The following CFAP210 variants were observed in gnomAD, a reference collection of about 807,000 sequenced individuals.
CFAP210 encodes cilia and flagella associated protein 210.
the CFAP210 span, chr2:169,675,153 T>TTTTA: frequency 1.2e-6 from 1 of 805,826 alleles, no homozygotes. Flanking sequence ...ATTTGTAATA[T>TTTTA]TTTATTAATA....
the CFAP210 span, chr2:169,674,727 G>A: frequency 1.3e-6 from 2 of 1,599,442 alleles, no homozygotes; most frequent in Non-Finnish European, 1.7e-6. Flanking sequence ...AATTCAATCT[G>A]GGCATCACGT....
At chr2:169,652,925 G>A in the CFAP210 span, among the ~76,000 whole-genome samples, 4 of 141,226 alleles carry the variant, frequency 2.8e-5, no homozygotes, top group African/African-American at 1.1e-4. Context: ...GCGTGAACCC[G>A]GGAGGTGGAG....
chr2:169,674,684 C>T, the CFAP210 span: 3 of 1,610,594 alleles, frequency 1.9e-6, no homozygotes, highest in East Asian at 6.7e-5. Flanking sequence ...CTGTTCCTCC[C>T]ATTTTTTATC....
chr2:169,663,526 C>T, the CFAP210 span, among the ~76,000 whole-genome samples: 1 of 151,916 alleles, frequency 6.6e-6, no homozygotes, highest in Non-Finnish European at 1.5e-5. Context: ...TGCACCCAAT[C>T]GAGAAAACAT....
At chr2:169,667,810 T>C in the CFAP210 span, among the ~76,000 whole-genome samples, 9 of 152,132 alleles carry the variant, frequency 5.9e-5, no homozygotes, top group African/African-American at 1.7e-4. Context: ...ACACGTGTGA[T>C]GTCATCTTAG....
the CFAP210 span, among the ~76,000 whole-genome samples, chr2:169,657,184 T>C: frequency 1.3e-5 from 2 of 152,054 alleles, no homozygotes; most frequent in Non-Finnish European, 2.9e-5. Context: ...AAAAATCCAA[T>C]GTCTATCAGA....
At chr2:169,694,223 A>G in the CFAP210 span, 157 of 1,603,854 alleles carry the variant, frequency 9.8e-5, no homozygotes, top group Non-Finnish European at 1.2e-4. Context: ...GGGGGTCCAG[A>G]AACAATCCCT....
the CFAP210 span, chr2:169,649,332 CTCTT>C: frequency 1.9e-6 from 3 of 1,609,976 alleles, no homozygotes; most frequent in Non-Finnish European, 2.5e-6. Context: ...TTTCTTCTTC[CTCTT>C]TATTTTTCAT....
At chr2:169,658,694 C>T in the CFAP210 span, 1 of 286,146 alleles carries the variant, frequency 3.5e-6, no homozygotes, top group African/African-American at 2.2e-5. Flanking sequence ...CTTCTGTCTA[C>T]AACAGGTGCT....
At chr2:169,670,168 T>C in the CFAP210 span, among the ~76,000 whole-genome samples, 1 of 152,234 alleles carries the variant, frequency 6.6e-6, no homozygotes, top group Non-Finnish European at 1.5e-5. Context: ...CTTACCTATA[T>C]ATAGAAGAAA....
the CFAP210 span, among the ~76,000 whole-genome samples, chr2:169,652,823 G>A: frequency 6.1e-5 from 9 of 148,090 alleles, no homozygotes; most frequent in South Asian, 2.1e-4. Context: ...GTGAAACCCC[G>A]TCTCTACTAA....
chr2:169,645,973 A>G, the CFAP210 span: 1 of 1,613,942 alleles, frequency 6.2e-7, no homozygotes, highest in East Asian at 2.2e-5. Flanking sequence ...CTCTGTCCAC[A>G]AACACTGGTC....
At chr2:169,654,742 T>A in the CFAP210 span, among the ~76,000 whole-genome samples, 1 of 152,088 alleles carries the variant, frequency 6.6e-6, no homozygotes. Context: ...GTCTTTAAAG[T>A]ATACAATTTA....
the CFAP210 span, chr2:169,645,823 G>A: frequency 2.0e-6 from 3 of 1,532,006 alleles, no homozygotes; most frequent in Non-Finnish European, 1.8e-6. Flanking sequence ...TCTTCTCAAT[G>A]TTAAAAATAA....
chr2:169,692,492 C>CAGAG, the CFAP210 span, among the ~76,000 whole-genome samples: 2 of 147,396 alleles, frequency 1.4e-5, no homozygotes, highest in African/African-American at 5.0e-5. Context: ...CACACAGAGA[C>CAGAG]AGAGAGAGAG....
chr2:169,677,451 A>T, the CFAP210 span, among the ~76,000 whole-genome samples: 3 of 152,326 alleles, frequency 2.0e-5, no homozygotes, highest in African/African-American at 7.2e-5. Context: ...ACTAGAAAAT[A>T]AGAACCTCGT....
the CFAP210 span, among the ~76,000 whole-genome samples, chr2:169,692,397 G>C: frequency 6.6e-6 from 1 of 150,450 alleles, no homozygotes; most frequent in Non-Finnish European, 1.5e-5. Flanking sequence ...ATAACATGAT[G>C]GAAGGCATTA....
chr2:169,654,077 G>A, the CFAP210 span: 1 of 1,608,674 alleles, frequency 6.2e-7, no homozygotes, highest in Non-Finnish European at 8.5e-7. Flanking sequence ...AAGCCTACCT[G>A]TGTGTTTCAG....
chr2:169,690,450 G>A, the CFAP210 span, among the ~76,000 whole-genome samples: 4,149 of 152,158 alleles, frequency 0.027, 78 homozygotes, highest in East Asian at 0.11. Context: ...ATCACCTGAG[G>A]TCAGGAGTTT....
Sources: gnomAD v4.1 joint callset for allele counts (sites outside exome capture counted in the v4.1 genomes callset) on GRCh38, gnomAD v4.1.1 for gene constraint, MANE v1.5 for transcripts, NCBI Gene and HGNC (gene_info 2026-07-23, HGNC 2026-07-21) for gene names.